The following NAV3 variants were observed in gnomAD, a reference collection of about 807,000 sequenced individuals.
NAV3 encodes the protein neuron navigator 3, also known as pore membrane and/or filament interacting like protein 1.
A neutral mutation model predicts 244.7 loss-of-function variants in NAV3; 87 were observed. That is an observed-to-expected ratio of 0.36 (90% CI 0.30 to 0.42). NAV3 has a LOEUF of 0.42. Among genes scored for constraint, NAV3 ranks in the 20% least tolerant of loss-of-function variants. The probability of loss-of-function intolerance (pLI) is 1.00; values close to 1 mark genes in which losing one functional copy is unlikely to be tolerated. For synonymous variants in NAV3, 1,126 were observed against 1,042.2 expected, an observed-to-expected ratio of 1.08 and a Z score of -1.55; for missense variants, 2,663 against 2,893.3, an observed-to-expected ratio of 0.92 and a Z score of 1.83.
intron 2 of NAV3, among the ~76,000 whole-genome samples, chr12:77,712,547 G>A (rs1003106372): frequency 2.0e-5 from 3 of 152,138 alleles, no homozygotes; most frequent in Admixed American, 6.6e-5. Context: ...ATTTCAATAA[G>A]ATAAATGTTA....
intron 2 of NAV3, among the ~76,000 whole-genome samples, chr12:77,616,056 T>C (rs1871131882): frequency 1.3e-5 from 2 of 152,196 alleles, no homozygotes; most frequent in Non-Finnish European, 2.9e-5. Flanking sequence ...GGAGTGTTTT[T>C]TCTAACTGAT....
intron 2 of NAV3, among the ~76,000 whole-genome samples, chr12:77,737,993 A>G (rs113346952): frequency 4.9e-4 from 74 of 152,102 alleles, no homozygotes; most frequent in African/African-American, 1.6e-3. Context: ...ATCCCACCCC[A>G]TCCTTCTGAA....
intron 5 of NAV3, among the ~76,000 whole-genome samples, chr12:77,987,682 G>T (rs1390362478): frequency 1.3e-5 from 2 of 152,122 alleles, no homozygotes; most frequent in East Asian, 1.9e-4. Context: ...CATAATTCCT[G>T]CCCTGGAGAA....
At chr12:77,878,418 A>C (rs1882146907) in intron 1 of NAV3, among the ~76,000 whole-genome samples, 4 of 151,836 alleles carry the variant, frequency 2.6e-5, no homozygotes, top group Non-Finnish European at 5.9e-5. Context: ...TAGTAGAGAC[A>C]GGGTTTCACC....
chr12:77,747,307 G>A (rs575729379), intron 2 of NAV3, among the ~76,000 whole-genome samples: 2 of 152,232 alleles, frequency 1.3e-5, no homozygotes, highest in African/African-American at 4.8e-5. Context: ...GACCATCAGA[G>A]AAATGCAAAT....
intron 7 of NAV3, among the ~76,000 whole-genome samples, chr12:77,999,549 A>G (rs1383572325): frequency 6.6e-6 from 1 of 152,206 alleles, no homozygotes; most frequent in African/African-American, 2.4e-5. Context: ...TTGTGTAAAT[A>G]TTCCCTTTGG....
At chr12:77,885,147 G>A (rs915120433) in intron 1 of NAV3, among the ~76,000 whole-genome samples, 3 of 152,100 alleles carry the variant, frequency 2.0e-5, no homozygotes, top group South Asian at 4.1e-4. Context: ...TCTTGAAAGC[G>A]AAATTATTCC....
chr12:78,007,555 T>C, intron 8 of NAV3, 110 bp downstream of exon 8: 1 of 1,184,832 alleles, frequency 8.4e-7, no homozygotes, highest in Non-Finnish European at 1.2e-6. Flanking sequence ...CATTTTGGAG[T>C]AAAGTTTCAT....
intron 9 of NAV3, among the ~76,000 whole-genome samples, chr12:78,023,893 C>T (rs1877559449): frequency 6.6e-6 from 1 of 151,958 alleles, no homozygotes; most frequent in South Asian, 2.1e-4. Flanking sequence ...ACACCTTGGC[C>T]TCTCCTCCCA....
chr12:77,893,303 C>T (rs886554787), intron 1 of NAV3, among the ~76,000 whole-genome samples: 1 of 152,046 alleles, frequency 6.6e-6, no homozygotes, highest in Non-Finnish European at 1.5e-5. Context: ...TCAAAGCAAA[C>T]CATTTCTTTG....
At chr12:77,683,664 G>C (rs1174354235) in intron 2 of NAV3, among the ~76,000 whole-genome samples, 1 of 151,984 alleles carries the variant, frequency 6.6e-6, no homozygotes, top group African/African-American at 2.4e-5. Flanking sequence ...ATTATTATTT[G>C]TTCTTAAACA....
In NAV3 at chr12:77,831,508, G is replaced by A. The variant is rs1164165918; in HGVS notation, c.47G>A (p.Gly16Glu). 4 of 1,613,376 alleles carry A rather than the reference G, an allele frequency of 2.5e-6. No homozygotes were observed. The highest frequency in any genetic ancestry group is 2.2e-5 in the South Asian group (2 of 90,926). The stretch of plus-strand genomic sequence containing the variant: ...TCAAAACTGAGGCAGCCAGCTGTTG[G>A]GTCAAAGCCTGTGCATACTGCTCTT... ...VASKLRQPAV[G>E]SKPVHTALPI... Residue 16 changes from glycine (G) to glutamate (E), a missense_variant, in exon 1 of 40, where the codon GGG becomes GAG. By Grantham distance (98) the Gly-to-Glu change is moderately conservative (BLOSUM62 -2). Transcript: ENST00000397909.
At chr12:78,000,764 A>T (rs1225922559) in intron 7 of NAV3, among the ~76,000 whole-genome samples, 1 of 150,690 alleles carries the variant, frequency 6.6e-6, no homozygotes, top group Non-Finnish European at 1.5e-5. Context: ...CGGCCTCCCA[A>T]AGTGCTGGGA....
At chr12:78,164,726 T>C (rs1240334996) in intron 23 of NAV3, among the ~76,000 whole-genome samples, 1 of 151,854 alleles carries the variant, frequency 6.6e-6, no homozygotes, top group Non-Finnish European at 1.5e-5. Flanking sequence ...AGATGCATGG[T>C]GGAGTGGGGA....
At chr12:78,052,838 G>C (rs1882956250) in intron 11 of NAV3, among the ~76,000 whole-genome samples, 1 of 151,710 alleles carries the variant, frequency 6.6e-6, no homozygotes, top group Non-Finnish European at 1.5e-5. Flanking sequence ...GTGGACATAT[G>C]TGTGAATTCA....
At chr12:77,872,037 G>A (rs569391288) in intron 1 of NAV3, among the ~76,000 whole-genome samples, 10 of 152,248 alleles carry the variant, frequency 6.6e-5, no homozygotes, top group East Asian at 5.8e-4. Flanking sequence ...TCTAATGACC[G>A]GTGATGATGA....
chr12:77,874,948 T>C (rs1414463076), intron 1 of NAV3, among the ~76,000 whole-genome samples: 2 of 152,066 alleles, frequency 1.3e-5, no homozygotes, highest in African/African-American at 2.4e-5. Context: ...GGAAATGAAA[T>C]AAAGTGGCAC....
Position 78,004,797 on chromosome 12 carries a change from G to A in NAV3, c.881-1622G>A, listed in dbSNP as rs570623778. On this transcript the variant is annotated intron_variant, in intron 7 of 39. Coordinates refer to ENST00000397909, the MANE Select transcript of NAV3 (RefSeq NM_001024383.2). ...TGCCTCTGTATAGGGACAGGCTGTG[G>A]ACAGATTTAGAGCGGAGCTTCAGGA... 2.6e-5 allele frequency among the ~76,000 whole-genome samples: 4 copies of A among 152,286 alleles called. No homozygotes were observed. In the South Asian group the frequency reaches 8.3e-4, roughly 32 times the overall value.
chr12:77,736,761 C>T (rs1409476777), intron 2 of NAV3, among the ~76,000 whole-genome samples: 1 of 152,204 alleles, frequency 6.6e-6, no homozygotes, highest in Non-Finnish European at 1.5e-5. Flanking sequence ...TGTGCATTCT[C>T]ACTGCCCTTA....
Sources: allele counts gnomAD v4.1 joint callset (sites outside exome capture counted in the v4.1 genomes callset), GRCh38; gene constraint gnomAD v4.1.1; transcripts MANE v1.5; gene names NCBI Gene and HGNC (gene_info 2026-07-23, HGNC 2026-07-21).